PTPRD: variants seen among roughly 807,000 people sequenced by gnomAD.
The protein encoded by PTPRD is protein tyrosine phosphatase receptor type D.
In PTPRD, 34 loss-of-function variants were observed where a neutral mutation model predicts 214.5. The observed-to-expected ratio is 0.16, with a 90% CI of 0.12 to 0.21. The LOEUF is 0.21. Ranked by LOEUF, PTPRD falls within the 10% of genes least tolerant of loss-of-function variation. PTPRD has a pLI of 1.00. For missense variants in PTPRD, 2,545 were observed against 2,398.7 expected, an observed-to-expected ratio of 1.06 and a Z score of -1.27; for synonymous variants, 1,128 against 845.7, an observed-to-expected ratio of 1.33 and a Z score of -5.79.
At chr9:9,274,214 T>C (rs1268100446) in intron 9 of PTPRD, among the ~76,000 whole-genome samples, 1 of 151,382 alleles carries the variant, frequency 6.6e-6, no homozygotes, top group Non-Finnish European at 1.5e-5. Context: ...TTCTTTCACC[T>C]TGTACATGGT....
intron 7 of PTPRD, among the ~76,000 whole-genome samples, chr9:9,595,807 G>A (rs1452817259): frequency 6.6e-6 from 1 of 151,814 alleles, no homozygotes; most frequent in African/African-American, 2.4e-5. Context: ...AGGGTGGGAA[G>A]GGGGAGAAGG....
Position 9,458,219 on chromosome 9 carries a change from T to C in PTPRD, c.-236-60737A>G, listed in dbSNP as rs115841612. Among the ~76,000 whole-genome samples, 296 of 152,110 alleles carry C rather than the reference T, an allele frequency of 1.9e-3. 1 individual carries two copies. The highest frequency in any genetic ancestry group is 6.3e-3 in the African/African-American group (261 of 41,542). ...AGTGGTAAAGTACCATGTAATAACA[T>C]GAGACTTTAATAAATGAGTAAACAA... On this transcript the variant is annotated intron_variant, in intron 8 of 45. Transcript: ENST00000381196.
intron 3 of PTPRD, among the ~76,000 whole-genome samples, chr9:10,172,266 C>T (rs916954352): frequency 6.6e-6 from 1 of 152,086 alleles, no homozygotes; most frequent in Non-Finnish European, 1.5e-5. Context: ...AAATCTCTTG[C>T]AGCCTATAAT....
intron 14 of PTPRD, among the ~76,000 whole-genome samples, chr9:8,603,309 T>C (rs895258105): frequency 1.3e-5 from 2 of 152,254 alleles, no homozygotes; most frequent in African/African-American, 4.8e-5. Context: ...TTTATTGTAA[T>C]TGCAAAAGAA....
chr9:9,655,019 A>T (rs1388386044), intron 7 of PTPRD, among the ~76,000 whole-genome samples: 1 of 152,084 alleles, frequency 6.6e-6, no homozygotes, highest in Non-Finnish European at 1.5e-5. Context: ...ATAGATATAT[A>T]GATATAGATA....
intron 11 of PTPRD, among the ~76,000 whole-genome samples, chr9:8,853,122 G>A (rs552265962): frequency 2.0e-5 from 3 of 152,222 alleles, no homozygotes; most frequent in East Asian, 1.9e-4. Context: ...GAGAGACACA[G>A]GTCTTCAGTG....
At chr9:9,099,411 T>C (rs2099788222) in intron 10 of PTPRD, among the ~76,000 whole-genome samples, 1 of 152,144 alleles carries the variant, frequency 6.6e-6, no homozygotes, top group African/African-American at 2.4e-5. Context: ...ATCATGTTTG[T>C]CTTGAATAAG....
intron 12 of PTPRD, among the ~76,000 whole-genome samples, chr9:8,660,476 G>A (rs2097018623): frequency 6.6e-6 from 1 of 152,146 alleles, no homozygotes; most frequent in Admixed American, 6.5e-5. Context: ...AAAAAACACT[G>A]TTTCTCACAT....
At chr9:9,824,633 G>A (rs1408228607) in intron 5 of PTPRD, among the ~76,000 whole-genome samples, 1 of 151,762 alleles carries the variant, frequency 6.6e-6, no homozygotes, top group Non-Finnish European at 1.5e-5. Flanking sequence ...GAAAACAACT[G>A]GAACATATTT....
intron 2 of PTPRD, among the ~76,000 whole-genome samples, chr9:10,470,387 T>C (rs901678190): frequency 3.9e-5 from 6 of 152,186 alleles, no homozygotes; most frequent in African/African-American, 7.2e-5. Context: ...AAAATTATCA[T>C]AGTAAATGGA....
intron 10 of PTPRD, among the ~76,000 whole-genome samples, chr9:9,052,107 G>C (rs983771592): frequency 6.6e-6 from 1 of 152,178 alleles, no homozygotes; most frequent in Non-Finnish European, 1.5e-5. Flanking sequence ...GTGTGGTGTG[G>C]TGTTGTTACA....
chr9:8,337,436 A>C (rs1462690501), intron 43 of PTPRD, among the ~76,000 whole-genome samples: 1 of 151,300 alleles, frequency 6.6e-6, no homozygotes, highest in Non-Finnish European at 1.5e-5. Context: ...AACATCACAC[A>C]CTGGGGCCTG....
chr9:8,614,209 C>T (rs2095538981), intron 14 of PTPRD, among the ~76,000 whole-genome samples: 2 of 152,028 alleles, frequency 1.3e-5, no homozygotes, highest in South Asian at 4.2e-4. Context: ...GTGAATTCAC[C>T]TATTTGCTAA....
intron 5 of PTPRD, among the ~76,000 whole-genome samples, chr9:9,930,563 CTT>C (rs1347520850): frequency 2.6e-5 from 4 of 151,940 alleles, no homozygotes; most frequent in African/African-American, 4.8e-5. Context: ...ACAGAAGTAA[CTT>C]TGAATATTTG....
At chr9:10,417,910 T>A (rs1001403655) in intron 2 of PTPRD, among the ~76,000 whole-genome samples, 4 of 151,668 alleles carry the variant, frequency 2.6e-5, no homozygotes, top group South Asian at 2.1e-4. Context: ...TAAATGAATC[T>A]AGATGGTTTT....
intron 2 of PTPRD, among the ~76,000 whole-genome samples, chr9:10,495,691 A>T (rs914540229): frequency 1.3e-5 from 2 of 151,892 alleles, no homozygotes; most frequent in African/African-American, 4.8e-5. Context: ...AAGTGGAAAC[A>T]TAGAGACTGT....
At chr9:10,409,740 G>C (rs1320507524) in intron 2 of PTPRD, among the ~76,000 whole-genome samples, 4 of 151,722 alleles carry the variant, frequency 2.6e-5, no homozygotes, top group Non-Finnish European at 5.9e-5. Context: ...ACAAATAGTG[G>C]AAATGATGTT....
chr9:9,495,464 TC>T (rs2096132890), intron 8 of PTPRD, among the ~76,000 whole-genome samples: 1 of 152,046 alleles, frequency 6.6e-6, no homozygotes, highest in African/African-American at 2.4e-5. Flanking sequence ...TGTTGCCTTT[TC>T]CAAAAACCCT....
intron 14 of PTPRD, among the ~76,000 whole-genome samples, chr9:8,557,088 G>C (rs535229747): frequency 6.6e-6 from 1 of 152,274 alleles, no homozygotes; most frequent in Non-Finnish European, 1.5e-5. Context: ...AGAGGAAGGA[G>C]TGCCCATTCA....
Sources: gnomAD v4.1 joint callset for allele counts (sites outside exome capture counted in the v4.1 genomes callset) on GRCh38, gnomAD v4.1.1 for gene constraint, MANE v1.5 for transcripts, NCBI Gene and HGNC (gene_info 2026-07-23, HGNC 2026-07-21) for gene names.